Variants in DMD observed in about 807,000 individuals in gnomAD.
The protein encoded by DMD is dystrophin.
Under a neutral mutation model 330.1 loss-of-function variants are expected in DMD, and 63 were observed. The observed-to-expected ratio is 0.19, with a 90% CI of 0.16 to 0.24. The LOEUF is 0.24. Ranked by LOEUF, DMD falls within the 10% of genes least tolerant of loss-of-function variation. The pLI is 1.00. For missense variants in DMD, 3,344 were observed against 2,684.1 expected (o/e 1.25, Z -5.43); for synonymous variants, 1,223 against 959.8 (o/e 1.27, Z -5.07).
intron 16 of DMD, among the ~76,000 whole-genome samples, chrX:32,547,152 A>G (rs1285833687): frequency 9.0e-6 from 1 of 111,564 alleles, no homozygotes; most frequent in Admixed American, 9.6e-5. Flanking sequence ...GAAAATACCT[A>G]ATTTTAAACA....
At chrX:31,322,654 A>T (rs1409694465) in intron 62 of DMD, among the ~76,000 whole-genome samples, 2 of 112,099 alleles carry the variant, frequency 1.8e-5, no homozygotes, top group Non-Finnish European at 3.8e-5. Flanking sequence ...AGTAATGAAG[A>T]TCTAGGACTG....
chrX:32,266,773 T>C (rs952346516), intron 43 of DMD, among the ~76,000 whole-genome samples: 2 of 112,205 alleles, frequency 1.8e-5, no homozygotes, highest in African/African-American at 6.5e-5. Context: ...CACATGGTCC[T>C]ATGCAGCCAA....
At chrX:32,524,412 TAG>T (rs2046757220) in intron 17 of DMD, among the ~76,000 whole-genome samples, 1 of 112,342 alleles carries the variant, frequency 8.9e-6, no homozygotes, top group East Asian at 2.8e-4. Context: ...GAGAATGCAT[TAG>T]TCCACATTAT....
chrX:32,716,179 T>C (rs2065701936), intron 7 of DMD, among the ~76,000 whole-genome samples: 1 of 111,608 alleles, frequency 9.0e-6, no homozygotes, highest in Admixed American at 9.5e-5. Context: ...CATATTGATA[T>C]GATTTGGATT....
Position 33,037,377 on chromosome X carries a change from A to C in DMD, c.32-17177T>G, listed in dbSNP as rs767280755. On this transcript the variant is annotated intron_variant, in intron 1 of 78. Transcript: ENST00000357033. ...TGAAACTATACAGGAAAAAAAAAAA[A>C]CCCTGATGTCATTTCTAGTACTTAA... Among the ~76,000 whole-genome samples, 548 of 105,804 alleles carry C rather than the reference A, an allele frequency of 5.2e-3. 4 individuals carry two copies. The highest frequency in any genetic ancestry group is 9.0e-3 in the Non-Finnish European group (453 of 50,308). 91.9% of individuals were successfully genotyped at this position (105,804 alleles called of 115,157 possible).
chrX:31,239,854 T>C (rs2048078406), intron 63 of DMD, among the ~76,000 whole-genome samples: 2 of 111,748 alleles, frequency 1.8e-5, no homozygotes, highest in African/African-American at 6.5e-5. Flanking sequence ...AGTAAGGATG[T>C]GAACATTTCT....
At chrX:33,058,954 A>G (rs905312973) in intron 1 of DMD, among the ~76,000 whole-genome samples, 12 of 111,830 alleles carry the variant, frequency 1.1e-4, no homozygotes, top group Non-Finnish European at 2.1e-4. Context: ...AGTTTATTAT[A>G]TATTATGGAT....
At chrX:31,128,186 T>A (rs1277238567) in intron 77 of DMD, among the ~76,000 whole-genome samples, 2 of 112,004 alleles carry the variant, frequency 1.8e-5, no homozygotes, top group Non-Finnish European at 3.8e-5. Flanking sequence ...TATCTTTATG[T>A]TTCATAATAC....
At chrX:31,237,714 TTTTTA>T (rs780796982) in intron 63 of DMD, among the ~76,000 whole-genome samples, 121 of 111,754 alleles carry the variant, frequency 1.1e-3, no homozygotes, top group Admixed American at 3.5e-3. Context: ...GAAAATACTC[TTTTTA>T]TTTTATTTTT....
At chrX:32,780,456 G>A (rs1291728871) in intron 7 of DMD, among the ~76,000 whole-genome samples, 1 of 111,859 alleles carries the variant, frequency 8.9e-6, no homozygotes, top group Non-Finnish European at 1.9e-5. Flanking sequence ...GCAGCTTCTT[G>A]TATATCAAAC....
intron 60 of DMD, among the ~76,000 whole-genome samples, chrX:31,351,617 T>C (rs923193193): frequency 9.5e-5 from 10 of 105,159 alleles, no homozygotes; most frequent in African/African-American, 3.5e-4. Context: ...TCCCAGCTAC[T>C]CGGGAAGCTG....
At chrX:31,938,106 G>A (rs749607934) in intron 45 of DMD, among the ~76,000 whole-genome samples, 4 of 111,364 alleles carry the variant, frequency 3.6e-5, no homozygotes, top group Non-Finnish European at 5.7e-5. Flanking sequence ...ATTTTCTGTC[G>A]GGCTACTCTT....
At chrX:32,359,637 C>T (rs769596197) in intron 37 of DMD, among the ~76,000 whole-genome samples, 1 of 111,536 alleles carries the variant, frequency 9.0e-6, no homozygotes, top group African/African-American at 3.3e-5. Context: ...ACACACAAGA[C>T]ATTAAATGTT....
intron 7 of DMD, among the ~76,000 whole-genome samples, chrX:32,794,932 A>C: frequency 8.9e-6 from 1 of 112,345 alleles, no homozygotes; most frequent in East Asian, 2.8e-4. Flanking sequence ...GCTGGAAATA[A>C]TACCTAGGAG....
chrX:31,802,444 T>C lies in DMD; in HGVS notation c.7309+17531A>G, dbSNP rs192781293. ...CAAATCAAGACTATGATCATCCTAA[T>C]ATAAGACTACTGTAACAGTCCAGGA... On this transcript the variant is annotated intron_variant, in intron 50 of 78. Coordinates refer to ENST00000357033, the MANE Select transcript of DMD (RefSeq NM_004006.3). Among the ~76,000 whole-genome samples the C allele has an allele frequency of 2.7e-4, 30 of 111,658 alleles. No homozygotes were observed. In the East Asian group the frequency reaches 7.6e-3, roughly 28 times the overall value.
chrX:32,361,357 T>G (rs1199117969), intron 37 of DMD, among the ~76,000 whole-genome samples: 1 of 111,619 alleles, frequency 9.0e-6, no homozygotes, highest in Non-Finnish European at 1.9e-5. Context: ...CAAATATATA[T>G]ATTTGTGACA....
intron 63 of DMD, among the ~76,000 whole-genome samples, chrX:31,255,656 GA>G (rs1350007284): frequency 1.8e-5 from 2 of 110,012 alleles, no homozygotes; most frequent in African/African-American, 6.6e-5. Flanking sequence ...AGAGTTAGCC[GA>G]AAGGTACCTC....
intron 54 of DMD, among the ~76,000 whole-genome samples, chrX:31,640,878 T>C (rs936481999): frequency 2.7e-5 from 3 of 112,269 alleles, no homozygotes; most frequent in Non-Finnish European, 3.8e-5. Context: ...AAGGTAACCA[T>C]GCTTCATGGT....
intron 17 of DMD, among the ~76,000 whole-genome samples, chrX:32,529,988 A>G (rs1759418576): frequency 8.9e-6 from 1 of 111,954 alleles, no homozygotes; most frequent in Admixed American, 9.5e-5. Context: ...AATATGTTTC[A>G]GTACAGTAAA....
Sources: gnomAD v4.1 joint callset for allele counts (sites outside exome capture counted in the v4.1 genomes callset) on GRCh38, gnomAD v4.1.1 for gene constraint, MANE v1.5 for transcripts, NCBI Gene and HGNC (gene_info 2026-07-23, HGNC 2026-07-21) for gene names.